RBFOX1: variants seen among roughly 807,000 people sequenced by gnomAD.
RBFOX1 encodes RNA binding protein fox-1 homolog 1.
RBFOX1 carries 8 observed loss-of-function variants against 57.7 expected under a neutral mutation model. The ratio of observed to expected loss-of-function variants is 0.14; its 90% CI spans 0.08 to 0.25. RBFOX1 has a LOEUF of 0.25. RBFOX1 is among the 10% of genes least tolerant of loss of function. The pLI, the probability that RBFOX1 is intolerant of heterozygous loss-of-function variation, is 1.00. For synonymous variants in RBFOX1, 326 were observed against 222.4 expected (o/e 1.47, Z -4.15); for missense variants, 611 against 548.5 (o/e 1.11, Z -1.14).
At chr16:6,043,564 A>T (rs992801679) in intron 1 of RBFOX1, among the ~76,000 whole-genome samples, 1 of 152,200 alleles carries the variant, frequency 6.6e-6, no homozygotes, top group Non-Finnish European at 1.5e-5. Context: ...TCAAAAAGGG[A>T]AAGGGCATAA....
At chr16:7,663,214 G>C (rs1418368536) in intron 12 of RBFOX1, among the ~76,000 whole-genome samples, 3 of 152,182 alleles carry the variant, frequency 2.0e-5, no homozygotes, top group African/African-American at 7.2e-5. Context: ...TGTTGGAAAA[G>C]TTGAAAAAGA....
chr16:6,378,397 C>T (rs1466829802), intron 2 of RBFOX1, among the ~76,000 whole-genome samples: 1 of 152,206 alleles, frequency 6.6e-6, no homozygotes, highest in South Asian at 2.1e-4. Context: ...CATCTTTCTG[C>T]ACTAGCCTGT....
chr16:6,786,372 A>G (rs2081965874), intron 3 of RBFOX1, among the ~76,000 whole-genome samples: 4 of 152,168 alleles, frequency 2.6e-5, no homozygotes, highest in Admixed American at 2.0e-4. Flanking sequence ...GTTGTCCCAG[A>G]CAGCATTATT....
chr16:6,747,657 A>G (rs1462790226), intron 3 of RBFOX1, among the ~76,000 whole-genome samples: 1 of 152,084 alleles, frequency 6.6e-6, no homozygotes, highest in Non-Finnish European at 1.5e-5. Context: ...TTGCTATCCC[A>G]CACCACCCCT....
At chr16:6,336,994 C>G (rs181514886) in intron 2 of RBFOX1, among the ~76,000 whole-genome samples, 1 of 152,100 alleles carries the variant, frequency 6.6e-6, no homozygotes, top group African/African-American at 2.4e-5. Context: ...ACATTGCAAC[C>G]CTTATTCTAA....
chr16:5,640,114 C>T (rs941299814), intron 3 of RBFOX1, among the ~76,000 whole-genome samples: 2 of 152,114 alleles, frequency 1.3e-5, no homozygotes, highest in Non-Finnish European at 2.9e-5. Context: ...TCTGTAGCAG[C>T]TGAGGGGTAG....
At chr16:7,419,999 C>T (rs1465093346) in intron 4 of RBFOX1, among the ~76,000 whole-genome samples, 1 of 142,942 alleles carries the variant, frequency 7.0e-6, no homozygotes, top group Admixed American at 7.3e-5. Context: ...TGGGCAGAAA[C>T]TGGGAAGAGA....
Position 5,406,319 on chromosome 16 carries a change from C to T in RBFOX1, c.220-60897C>T, listed in dbSNP as rs933001002. Among the ~76,000 whole-genome samples the T allele has an allele frequency of 1.3e-4, 19 of 151,642 alleles. No homozygotes were observed. In the East Asian group the frequency reaches 1.6e-3, roughly 12 times the overall value. On this transcript the variant is annotated intron_variant, in intron 1 of 2. Coordinates refer to the RBFOX1 transcript ENST00000585867. ...CAGTGTGGGTGAGTGCCATCCAATC[C>T]GTCAAAGGTCTGAATAGAACAAAAG...
intron 13 of RBFOX1, among the ~76,000 whole-genome samples, chr16:7,674,869 T>A (rs1037298288): frequency 1.3e-5 from 2 of 152,122 alleles, no homozygotes; most frequent in African/African-American, 2.4e-5. Context: ...AGGCAGAAGG[T>A]GGAGGATATG....
At chr16:6,523,448 C>T (rs942268995) in intron 2 of RBFOX1, among the ~76,000 whole-genome samples, 60 of 152,184 alleles carry the variant, frequency 3.9e-4, no homozygotes, top group African/African-American at 1.4e-3. Context: ...ACATTTTGTC[C>T]AATGCAGTGA....
At chr16:6,057,085 G>GA (rs1210722655) in intron 1 of RBFOX1, 3 of 137,730 alleles carry the variant, frequency 2.2e-5, no homozygotes, top group African/African-American at 7.8e-5. Flanking sequence ...AGGAGGGGGG[G>GA]GAATATTGCA....
chr16:7,160,836 T>TTCCTCCTCC (rs56757825), intron 4 of RBFOX1, among the ~76,000 whole-genome samples: 5 of 143,924 alleles, frequency 3.5e-5, no homozygotes, highest in East Asian at 4.3e-4. Context: ...TCCCTCCTCC[T>TTCCTCCTCC]TCCTCCTCCT....
chr16:6,565,790 A>G (rs954499340), intron 2 of RBFOX1, among the ~76,000 whole-genome samples: 2 of 152,284 alleles, frequency 1.3e-5, no homozygotes, highest in East Asian at 1.9e-4. Context: ...AATTTTTGCT[A>G]TAAGCTCACC....
chr16:5,660,010 C>G (rs894367190), intron 3 of RBFOX1, among the ~76,000 whole-genome samples: 1 of 152,122 alleles, frequency 6.6e-6, no homozygotes, highest in East Asian at 1.9e-4. Context: ...TCTTTTTATT[C>G]TATTTTTATG....
chr16:7,339,942 G>A (rs2096861968), intron 4 of RBFOX1, among the ~76,000 whole-genome samples: 1 of 152,298 alleles, frequency 6.6e-6, no homozygotes, highest in Non-Finnish European at 1.5e-5. Flanking sequence ...CCATGTCCAA[G>A]TGGTGGAAAA....
intron 2 of RBFOX1, among the ~76,000 whole-genome samples, chr16:6,363,249 G>A (rs11861000): frequency 0.28 from 42,864 of 151,890 alleles, 6,234 homozygotes; most frequent in Middle Eastern, 0.35. Context: ...CCGTTGTGTA[G>A]TAAACTTAGT....
chr16:5,753,123 G>A (rs989775479), intron 3 of RBFOX1, among the ~76,000 whole-genome samples: 1 of 151,808 alleles, frequency 6.6e-6, no homozygotes, highest in Non-Finnish European at 1.5e-5. Flanking sequence ...TCACACCACT[G>A]CACTCCAGCA....
At chr16:5,555,486 G>A (rs972330076) in intron 2 of RBFOX1, among the ~76,000 whole-genome samples, 3 of 151,672 alleles carry the variant, frequency 2.0e-5, no homozygotes, top group Admixed American at 2.0e-4. Flanking sequence ...CCTGACCTCA[G>A]GTGATCCACC....
At chr16:6,586,333 G>A (rs1375930349) in intron 2 of RBFOX1, among the ~76,000 whole-genome samples, 24 of 152,126 alleles carry the variant, frequency 1.6e-4, no homozygotes. Context: ...TCATTCCTAA[G>A]ATACCTACAA....
Sources: allele counts gnomAD v4.1 joint callset (sites outside exome capture counted in the v4.1 genomes callset), GRCh38; gene constraint gnomAD v4.1.1; transcripts MANE v1.5; gene names NCBI Gene and HGNC (gene_info 2026-07-23, HGNC 2026-07-21).